The following FAM185A variants were observed in gnomAD, a reference collection of about 807,000 sequenced individuals.
FAM185A encodes family with sequence similarity 185 member A.
FAM185A carries 21 observed loss-of-function variants against 45.7 expected under a neutral mutation model. That is an observed-to-expected ratio of 0.46 (90% CI 0.33 to 0.66). The LOEUF (loss-of-function observed/expected upper bound fraction) is 0.66, where lower values mean the gene tolerates loss of function less well. FAM185A is among the 30% of genes least tolerant of loss of function. FAM185A has a pLI of 0.03. For missense variants in FAM185A, 305 were observed against 485.4 expected (o/e 0.63, Z 3.49); for synonymous variants, 117 against 194.0 (o/e 0.60, Z 3.30).
At chr7:102,817,369 C>T in the FAM185A span, among the ~76,000 whole-genome samples, 11 of 152,138 alleles carry the variant, frequency 7.2e-5, no homozygotes, top group African/African-American at 2.7e-4. Context: ...TGATGTTGAG[C>T]ATTTTTTCAT....
At chr7:102,834,983 C>A in the FAM185A span, among the ~76,000 whole-genome samples, 1 of 150,142 alleles carries the variant, frequency 6.7e-6, no homozygotes, top group South Asian at 2.1e-4. Flanking sequence ...AAATTTTAAG[C>A]CATTAAAAAG....
intron 7 of FAM185A, among the ~76,000 whole-genome samples, chr7:102,799,037 C>A (rs10270898): frequency 0.021 from 3,122 of 152,286 alleles, 113 homozygotes; most frequent in African/African-American, 0.071. Flanking sequence ...CGTGAGCCAC[C>A]GCATCTGGCC....
the FAM185A span, among the ~76,000 whole-genome samples, chr7:102,824,338 C>G: frequency 6.6e-6 from 1 of 151,708 alleles, no homozygotes; most frequent in East Asian, 1.9e-4. Flanking sequence ...AGCACATTGC[C>G]AAAAAAATAG....
chr7:102,836,441 C>A, the FAM185A span, among the ~76,000 whole-genome samples: 1 of 152,300 alleles, frequency 6.6e-6, no homozygotes, highest in Admixed American at 6.5e-5. Context: ...CATTTCCCCC[C>A]TACAGATAAG....
chr7:102,842,115 G>GGT, the FAM185A span, among the ~76,000 whole-genome samples: 1 of 152,244 alleles, frequency 6.6e-6, no homozygotes, highest in South Asian at 2.1e-4. Flanking sequence ...CAAGCAATAT[G>GGT]GTCAAGAGAC....
the FAM185A span, among the ~76,000 whole-genome samples, chr7:102,843,494 G>A: frequency 6.6e-6 from 1 of 152,030 alleles, no homozygotes; most frequent in Admixed American, 6.6e-5. Context: ...TTAAAGAAAG[G>A]CTGGGTACGG....
the FAM185A span, among the ~76,000 whole-genome samples, chr7:102,850,219 C>A: frequency 6.6e-6 from 1 of 152,014 alleles, no homozygotes; most frequent in Non-Finnish European, 1.5e-5. Context: ...AATTTTTAGG[C>A]TCCAAAGAGT....
intron 7 of FAM185A, among the ~76,000 whole-genome samples, chr7:102,791,409 C>CT (rs1279447247): frequency 2.0e-5 from 3 of 152,394 alleles, no homozygotes; most frequent in South Asian, 4.1e-4. Flanking sequence ...CCTTCAGTAA[C>CT]TTTTGCTTGA....
chr7:102,837,562 TTTTC>T, the FAM185A span, among the ~76,000 whole-genome samples: 2 of 152,220 alleles, frequency 1.3e-5, no homozygotes, highest in Non-Finnish European at 2.9e-5. Flanking sequence ...TCTTATAAGC[TTTTC>T]TTTCTTTTTG....
the FAM185A span, among the ~76,000 whole-genome samples, chr7:102,833,145 GCAAAA>G: frequency 1.3e-5 from 2 of 152,160 alleles, no homozygotes; most frequent in Non-Finnish European, 2.9e-5. Flanking sequence ...TCTGTTTATA[GCAAAA>G]GATATTCACA....
chr7:102,769,731 C>T (rs1794636499), intron 4 of FAM185A, among the ~76,000 whole-genome samples: 1 of 151,756 alleles, frequency 6.6e-6, no homozygotes, highest in Non-Finnish European at 1.5e-5. Flanking sequence ...GTCTAGGAGC[C>T]GCATCTGGTG....
the FAM185A span, among the ~76,000 whole-genome samples, chr7:102,843,319 T>C: frequency 6.6e-6 from 1 of 152,034 alleles, no homozygotes; most frequent in African/African-American, 2.4e-5. Context: ...GGCGCATGCC[T>C]GTAATCCCAG....
intron 6 of FAM185A, among the ~76,000 whole-genome samples, chr7:102,781,002 C>T (rs1795369793): frequency 6.6e-6 from 1 of 152,222 alleles, no homozygotes; most frequent in South Asian, 2.1e-4. Flanking sequence ...AAACGGCACA[C>T]CAGGAGATTA....
chr7:102,846,652 A>G, the FAM185A span, among the ~76,000 whole-genome samples: 2 of 151,866 alleles, frequency 1.3e-5, no homozygotes, highest in East Asian at 1.9e-4. Flanking sequence ...AGATGGTTTG[A>G]GCATGATCTT....
intron 3 of FAM185A, among the ~76,000 whole-genome samples, 199 bp downstream of exon 3, chr7:102,758,145 G>A (rs1419814774): frequency 6.6e-6 from 1 of 151,902 alleles, no homozygotes. Context: ...TAATACTTTT[G>A]ACAGTTACTT....
chr7:102,765,480 A>G (rs1184051845), intron 4 of FAM185A, among the ~76,000 whole-genome samples: 2 of 151,830 alleles, frequency 1.3e-5, no homozygotes, highest in East Asian at 1.9e-4. Flanking sequence ...TGCATTTTCA[A>G]TATTTTTATA....
At chr7:102,791,420 A>C (rs1302614220) in intron 7 of FAM185A, among the ~76,000 whole-genome samples, 1 of 152,384 alleles carries the variant, frequency 6.6e-6, no homozygotes, top group Non-Finnish European at 1.5e-5. Context: ...TTTTGCTTGA[A>C]TATAAAGACG....
the FAM185A span, chr7:102,832,953 T>C: frequency 3.1e-6 from 5 of 1,614,150 alleles, no homozygotes; most frequent in Non-Finnish European, 4.2e-6. Flanking sequence ...TGTTCCAAGA[T>C]CAGTGAGCTT....
At chr7:102,766,307 A>G (rs201752827) in intron 4 of FAM185A, among the ~76,000 whole-genome samples, 3 of 133,312 alleles carry the variant, frequency 2.3e-5, no homozygotes, top group Admixed American at 7.6e-5. Flanking sequence ...TTTAAGTTCT[A>G]TGGAAACATA....
Sources: allele counts gnomAD v4.1 joint callset (sites outside exome capture counted in the v4.1 genomes callset), GRCh38; gene constraint gnomAD v4.1.1; transcripts MANE v1.5; gene names NCBI Gene and HGNC (gene_info 2026-07-23, HGNC 2026-07-21).